Variants in CNTNAP2 observed in about 807,000 individuals in gnomAD.
CNTNAP2 encodes contactin-associated protein-like 2.
CNTNAP2 carries 98 observed loss-of-function variants against 155.2 expected under a neutral mutation model. The ratio of observed to expected loss-of-function variants is 0.63; its 90% CI spans 0.54 to 0.75. CNTNAP2 has a LOEUF of 0.75. Ranked by LOEUF, CNTNAP2 falls within the 30% of genes least tolerant of loss-of-function variation. The pLI, the probability that CNTNAP2 is intolerant of heterozygous loss-of-function variation, is 0.00. For synonymous variants in CNTNAP2, 651 were observed against 631.2 expected (o/e 1.03, Z -0.47); for missense variants, 1,727 against 1,688.1 (o/e 1.02, Z -0.40).
intron 13 of CNTNAP2, among the ~76,000 whole-genome samples, chr7:147,810,975 CTCAGTTACAGTGTACATG>C (rs1798170652): frequency 6.6e-6 from 1 of 152,170 alleles, no homozygotes; most frequent in East Asian, 1.9e-4. Flanking sequence ...AAGAGAGGCA[CTCAGTTACAGTGTACATG>C]TCAGAATTGA....
At chr7:146,741,121 C>T (rs1323838441) in intron 1 of CNTNAP2, among the ~76,000 whole-genome samples, 1 of 152,010 alleles carries the variant, frequency 6.6e-6, no homozygotes, top group African/African-American at 2.4e-5. Flanking sequence ...TACTGTGCTG[C>T]CTGGGGTTGG....
chr7:146,226,523 G>A (rs1799295602), intron 1 of CNTNAP2, among the ~76,000 whole-genome samples: 1 of 152,080 alleles, frequency 6.6e-6, no homozygotes, highest in East Asian at 1.9e-4. Flanking sequence ...ACCAGGCATG[G>A]TGGTGCACAC....
intron 11 of CNTNAP2, among the ~76,000 whole-genome samples, 162 bp downstream of exon 11, chr7:147,486,203 A>C (rs1798508775): frequency 6.6e-6 from 1 of 152,058 alleles, no homozygotes; most frequent in African/African-American, 2.4e-5. Flanking sequence ...AAAAAAATAA[A>C]ATACACTATT....
At chr7:147,995,108 CAG>C (rs1801779260) in intron 15 of CNTNAP2, among the ~76,000 whole-genome samples, 1 of 152,190 alleles carries the variant, frequency 6.6e-6, no homozygotes, top group South Asian at 2.1e-4. Flanking sequence ...CTGTCTACAA[CAG>C]AGGCTCACTA....
intron 13 of CNTNAP2, among the ~76,000 whole-genome samples, chr7:147,788,352 C>T (rs1224916457): frequency 6.6e-6 from 1 of 152,158 alleles, no homozygotes; most frequent in Admixed American, 6.5e-5. Context: ...AGAAATTAGA[C>T]AATTGCAATA....
intron 9 of CNTNAP2, among the ~76,000 whole-genome samples, chr7:147,374,799 C>T (rs1216499419): frequency 1.3e-5 from 2 of 151,924 alleles, no homozygotes; most frequent in African/African-American, 2.4e-5. Context: ...ATTTTTGTCA[C>T]GTCATTTTCC....
intron 18 of CNTNAP2, among the ~76,000 whole-genome samples, chr7:148,201,100 T>C (rs1417444488): frequency 6.6e-6 from 1 of 152,222 alleles, no homozygotes; most frequent in Non-Finnish European, 1.5e-5. Flanking sequence ...GTCATTTGAT[T>C]AGAAACAAAC....
chr7:146,287,256 T>A (rs1431110525), intron 1 of CNTNAP2, among the ~76,000 whole-genome samples: 1 of 152,160 alleles, frequency 6.6e-6, no homozygotes, highest in African/African-American at 2.4e-5. Context: ...TCACGTGAGA[T>A]CAATTTGTGT....
intron 19 of CNTNAP2, among the ~76,000 whole-genome samples, chr7:148,221,753 C>T (rs2116764548): frequency 6.6e-6 from 1 of 152,296 alleles, no homozygotes; most frequent in African/African-American, 2.4e-5. Context: ...CCCAGCACCA[C>T]CACTGCCCAT....
intron 13 of CNTNAP2, among the ~76,000 whole-genome samples, chr7:147,817,563 A>G (rs1461591232): frequency 6.6e-6 from 1 of 151,410 alleles, no homozygotes; most frequent in Non-Finnish European, 1.5e-5. Context: ...TTATTCACGT[A>G]ATTAAATGCC....
chr7:146,298,586 T>C (rs1331754264), intron 1 of CNTNAP2, among the ~76,000 whole-genome samples: 1 of 152,252 alleles, frequency 6.6e-6, no homozygotes, highest in Non-Finnish European at 1.5e-5. Context: ...TGTGGGGCTA[T>C]CAGGGGATTT....
intron 3 of CNTNAP2, among the ~76,000 whole-genome samples, chr7:147,016,222 T>G (rs976523535): frequency 4.0e-5 from 6 of 151,234 alleles, no homozygotes; most frequent in Non-Finnish European, 8.9e-5. Flanking sequence ...GTGAGCACTG[T>G]CAGTCTTTTA....
chr7:147,491,857 C>T (rs1186234241), intron 11 of CNTNAP2, among the ~76,000 whole-genome samples: 1 of 152,044 alleles, frequency 6.6e-6, no homozygotes, highest in Non-Finnish European at 1.5e-5. Flanking sequence ...CCAAAAACTA[C>T]CACAAGACAT....
chr7:146,849,626 A>G (rs1794834699), intron 3 of CNTNAP2, among the ~76,000 whole-genome samples: 1 of 152,218 alleles, frequency 6.6e-6, no homozygotes, highest in African/African-American at 2.4e-5. Flanking sequence ...TAAAAGCGAT[A>G]TAATTGTATT....
Position 146,619,490 on chromosome 7 carries a change from C to A in CNTNAP2, c.98-154781C>A, listed in dbSNP as rs564490157. On this transcript the variant is annotated intron_variant, in intron 1 of 23. Coordinates refer to ENST00000361727, the MANE Select transcript of CNTNAP2 (RefSeq NM_014141.6). ...ATTTAATTATTCAAGTAAAAGTAGTCTATTCAATCATTAATTGTATGCAAT... is the reference window on the plus strand; with the variant it reads ...ATTTAATTATTCAAGTAAAAGTAGTATATTCAATCATTAATTGTATGCAAT... Among the ~76,000 whole-genome samples the A allele has an allele frequency of 4.6e-5, 7 of 152,176 alleles. No homozygotes were observed. The South Asian group carries it at 1.2e-3, about 27-fold the overall frequency.
At chr7:146,761,636 G>A (rs758322756) in intron 1 of CNTNAP2, among the ~76,000 whole-genome samples, 1 of 150,792 alleles carries the variant, frequency 6.6e-6, no homozygotes, top group Non-Finnish European at 1.5e-5. Flanking sequence ...GTCATTTTAT[G>A]TGTAGTGAAA....
intron 1 of CNTNAP2, among the ~76,000 whole-genome samples, chr7:146,770,476 G>T (rs1291278952): frequency 1.3e-5 from 2 of 151,828 alleles, no homozygotes; most frequent in African/African-American, 4.8e-5. Context: ...CTTATAATAT[G>T]ATTATAGATT....
intron 12 of CNTNAP2, among the ~76,000 whole-genome samples, chr7:147,628,717 T>C (rs1795031445): frequency 6.6e-6 from 1 of 152,122 alleles, no homozygotes; most frequent in South Asian, 2.1e-4. Flanking sequence ...AAATATCTGC[T>C]GTCTTCAAAA....
intron 1 of CNTNAP2, among the ~76,000 whole-genome samples, chr7:146,712,950 T>C (rs1801124503): frequency 6.6e-6 from 1 of 152,030 alleles, no homozygotes; most frequent in Non-Finnish European, 1.5e-5. Flanking sequence ...TTAATGTTGA[T>C]TTCTTCACGC....
Sources: allele counts gnomAD v4.1 joint callset (sites outside exome capture counted in the v4.1 genomes callset), GRCh38; gene constraint gnomAD v4.1.1; transcripts MANE v1.5; gene names NCBI Gene and HGNC (gene_info 2026-07-23, HGNC 2026-07-21).